The following APBB3 variants were observed in gnomAD, a reference collection of about 807,000 sequenced individuals.
APBB3 encodes the protein amyloid beta precursor protein binding family B member 3.
A neutral mutation model predicts 61.5 loss-of-function variants in APBB3; 50 were observed. That is an observed-to-expected ratio of 0.81 (90% CI 0.65 to 1.03). APBB3 has a LOEUF of 1.03. Ranked by LOEUF, APBB3 falls within the 50% of genes least tolerant of loss-of-function variation. The pLI, the probability that APBB3 is intolerant of heterozygous loss-of-function variation, is 0.00. For missense variants in APBB3, 550 were observed against 637.4 expected, an observed-to-expected ratio of 0.86 and a Z score of 1.48; for synonymous variants, 235 against 233.0, an observed-to-expected ratio of 1.01 and a Z score of -0.08.
In APBB3 at chr5:140,558,280, G is replaced by A. The variant is rs556803725; in HGVS notation, c.*305C>T. On this transcript the variant is annotated 3_prime_UTR_variant, in exon 13 of 13. Transcript: ENST00000357560. ...TACTCACATCCAGTGAGGTCACTGA[G>A]GGATTTTTATTTGCACTGATTTTGC... The A allele has an allele frequency of 4.0e-5, 17 of 428,286 alleles. No homozygotes were observed. The highest frequency in any genetic ancestry group is 3.1e-4 in the African/African-American group (15 of 48,646). 26.5% of individuals were successfully genotyped at this position (428,286 alleles called of 1,614,324 possible). A position where few individuals can be genotyped will look rare whatever the true frequency, so the allele number is the denominator to read the frequency against.
At chr5:140,562,306 T>A in intron 5 of APBB3, 47 bp downstream of exon 5, 2 of 1,611,384 alleles carry the variant, frequency 1.2e-6, no homozygotes, top group Non-Finnish European at 1.7e-6. Context: ...GACAGCTACC[T>A]CTGCTGGGCC....
At chr5:140,563,529 G>A (rs765853832) in intron 3 of APBB3, 65 bp downstream of exon 3, 6 of 1,585,682 alleles carry the variant, frequency 3.8e-6, no homozygotes, top group Non-Finnish European at 4.3e-6. Flanking sequence ...CAGACCATGG[G>A]TCCAGCTGCA....
At position 140,558,785 on chromosome 5, in the gene APBB3, G is replaced by A. The variant is rs34926962; in HGVS notation, c.1261C>T (p.Arg421Ter). ...GCCTGGGCACCCCAGGCCTTGCCTC[G>A]AGCTGCAGAGGCCACAAGACACTTC... ...YQKCLVASAA[R>*]GKAWGAQARA... Residue 421 changes from arginine (R) to a stop codon, truncating the protein, a stop_gained, in exon 13 of 13, where the codon CGA (arginine) becomes TGA (stop). Transcript: ENST00000357560. LOFTEE classifies it high-confidence loss of function. The A allele has an allele frequency of 1.6e-5, 25 of 1,610,744 alleles. No individual in the cohort carries two copies. Among genetic ancestry groups the A allele is most frequent in the African/African-American group, 4.0e-5 (3 of 74,742 alleles).
chr5:140,561,152 C>T (rs1185596805), intron 9 of APBB3, 51 bp from the exon 10 acceptor site: 4 of 1,601,328 alleles, frequency 2.5e-6, no homozygotes, highest in South Asian at 1.1e-5. Context: ...TTACCCTTTT[C>T]CCCACCCTTC....
rs761154125 is a variant in APBB3, at chr5:140,561,575, CCT to C, written c.747+10_747+11del. 5.6e-6 allele frequency: 9 copies of C among 1,614,160 alleles called. No homozygotes were observed. The highest frequency in any genetic ancestry group is 4.5e-5 in the East Asian group (2 of 44,886). On this transcript the variant is annotated intron_variant, in intron 8 of 12. Transcript: ENST00000357560. ...CCTTACCCACATTCCCTGCCCCACC[CCT>C]GACACTTACCTGGGCACAAAGCCCA...
At position 140,560,755 on chromosome 5, in the gene APBB3, C is replaced by G. The variant is rs201256812; in HGVS notation, c.917-1G>C. The G allele has an allele frequency of 1.3e-5, 21 of 1,613,596 alleles. No individual in the cohort carries two copies. The highest frequency in any genetic ancestry group is 1.8e-5 in the Non-Finnish European group (21 of 1,179,686). On this transcript the variant is annotated splice_acceptor_variant, in intron 10 of 12. Coordinates refer to ENST00000357560, the MANE Select transcript of APBB3 (RefSeq NM_133173.3). LOFTEE classifies it high-confidence loss of function. This position sits in a 1 kb window ranked among gnomAD's most constrained non-coding sequence, Gnocchi z 5.1. ...ATGGCCTCGTTCAGCACATCCATGC[C>G]TGGGGGAACATACCCAGCGTGTCTC...
chr5:140,561,702 C>T lies in APBB3; in HGVS notation c.633-1G>A. ...GTCACTTGCCACAAAAGCGAAGTCCCTAGCAGGGGCAGAGATGGGGCTGGG... is the reference window on the plus strand; with the variant it reads ...GTCACTTGCCACAAAAGCGAAGTCCTTAGCAGGGGCAGAGATGGGGCTGGG... On this transcript the variant is annotated splice_acceptor_variant, in intron 7 of 12. Transcript: ENST00000357560. LOFTEE classifies it high-confidence loss of function. 4 of 1,614,160 alleles carry T rather than the reference C, an allele frequency of 2.5e-6. No individual in the cohort carries two copies. The highest frequency in any genetic ancestry group is 3.4e-6 in the Non-Finnish European group (4 of 1,180,012).
At position 140,562,512 on chromosome 5, in the gene APBB3, G is replaced by T. The variant is rs766675104; in HGVS notation, c.352-13C>A. The T allele has an allele frequency of 2.0e-5, 33 of 1,613,620 alleles. No homozygotes were observed. Among genetic ancestry groups the T allele is most frequent in the Non-Finnish European group, 2.6e-5 (31 of 1,179,892 alleles). On this transcript the variant is annotated splice_polypyrimidine_tract_variant and intron_variant, in intron 4 of 12. Transcript: ENST00000357560. The stretch of plus-strand genomic sequence containing the variant: ...GGACTGCAAAGCACTGACAGGTTGG[G>T]GGAAGGGACAGGAATTAATAAGGAT...
In APBB3 at chr5:140,562,551, A is replaced by G. The variant is rs562840103; in HGVS notation, c.352-52T>C. 7.5e-6 allele frequency: 12 copies of G among 1,610,252 alleles called. No homozygotes were observed. The East Asian group carries it at 2.7e-4, about 36-fold the overall frequency. ...ATTAATAAGGATGGAGTAGGGTGGC[A>G]GGTGCCACAATACATACTCCCTGTC... On this transcript the variant is annotated intron_variant, in intron 4 of 12. Transcript: ENST00000357560.
intron 8 of APBB3, 36 bp from the exon 9 acceptor site, chr5:140,561,485 G>A: frequency 1.9e-6 from 3 of 1,613,998 alleles, no homozygotes; most frequent in African/African-American, 2.7e-5. Context: ...CCCACAGGGA[G>A]AGAGGGGAAT....
intron 12 of APBB3, 27 bp from the exon 13 acceptor site, chr5:140,558,848 C>T (rs373130164): frequency 1.1e-4 from 177 of 1,600,962 alleles, no homozygotes; most frequent in Non-Finnish European, 1.4e-4. Flanking sequence ...TGTGAGGATC[C>T]AGCTACTTTC....
chr5:140,560,791 A>G lies in APBB3; in HGVS notation c.917-37T>C. The G allele has an allele frequency of 6.3e-7, 1 of 1,588,350 alleles. No individual in the cohort carries two copies. Among genetic ancestry groups the G allele is most frequent in the Non-Finnish European group, 8.6e-7 (1 of 1,157,218 alleles). Reference sequence around the variant, plus strand: ...TACCCAGCGTGTCTCCCAGTGTAAAAGAAAGAGTCTGCAGGGAGTGTCTAG... The same window carrying G: ...TACCCAGCGTGTCTCCCAGTGTAAAGGAAAGAGTCTGCAGGGAGTGTCTAG... On this transcript the variant is annotated intron_variant, in intron 10 of 12. Transcript: ENST00000357560. This position sits in a 1 kb window ranked among gnomAD's most constrained non-coding sequence, Gnocchi z 5.1.
intron 7 of APBB3, 40 bp downstream of exon 7, chr5:140,561,804 A>G: frequency 6.2e-7 from 1 of 1,613,930 alleles, no homozygotes; most frequent in Non-Finnish European, 8.5e-7. Flanking sequence ...TGGAGTAGGG[A>G]CATCAGGGAT....
chr5:140,563,402 C>A, intron 3 of APBB3, 192 bp downstream of exon 3: 1 of 674,020 alleles, frequency 1.5e-6, no homozygotes, highest in South Asian at 1.7e-5. Context: ...TAGCTACAAA[C>A]AAGAGCTTAG....
At position 140,560,853 on chromosome 5, in the gene APBB3, T is replaced by C; in HGVS notation, c.917-99A>G. On this transcript the variant is annotated intron_variant, in intron 10 of 12. Coordinates refer to ENST00000357560, the MANE Select transcript of APBB3 (RefSeq NM_133173.3). This position sits in a 1 kb window ranked among gnomAD's most constrained non-coding sequence, Gnocchi z 5.1. The stretch of plus-strand genomic sequence containing the variant: ...TGATTTGGGATTCAGAGATAGGGAA[T>C]AGGATAGCTGGGGCAAGCCTTAGAA... 11 of 1,402,234 alleles carry C rather than the reference T, an allele frequency of 7.8e-6. No homozygotes were observed. Among genetic ancestry groups the C allele is most frequent in the South Asian group, 6.0e-5 (5 of 83,692 alleles). 86.9% of individuals were successfully genotyped at this position (1,402,234 alleles called of 1,614,324 possible).
Position 140,564,395 on chromosome 5 carries a change from G to A in APBB3, c.-150C>T. 14 of 927,994 alleles carry A rather than the reference G, an allele frequency of 1.5e-5. No homozygotes were observed. The highest frequency in any genetic ancestry group is 2.1e-5 in the Non-Finnish European group (13 of 615,250). The allele number at this position is 927,994 out of a possible 1,614,324, so 57.5% of individuals were successfully genotyped here. On this transcript the variant is annotated 5_prime_UTR_variant, in exon 1 of 13. Coordinates refer to ENST00000357560, the MANE Select transcript of APBB3 (RefSeq NM_133173.3). The surrounding 1 kb of genome is among the most constrained non-coding windows in gnomAD (Gnocchi z 5.0). ...ACAAATACGGGGCGGGACACGGGGC[G>A]GGACACGGGCCGGTCCCGGGGGAGG... is the stretch of plus-strand genomic sequence containing the variant.
At position 140,564,167 on chromosome 5, in the gene APBB3, G is replaced by A; in HGVS notation, c.49+30C>T. The A allele has an allele frequency of 1.2e-6, 2 of 1,613,840 alleles. No individual in the cohort carries two copies. Among genetic ancestry groups the A allele is most frequent in the Non-Finnish European group, 1.7e-6 (2 of 1,179,892 alleles). On this transcript the variant is annotated intron_variant, in intron 1 of 12. Coordinates refer to ENST00000357560, the MANE Select transcript of APBB3 (RefSeq NM_133173.3). The surrounding 1 kb of genome is among the most constrained non-coding windows in gnomAD (Gnocchi z 5.0). ...ATTCCCTCGTCCTCCCTCAGCTCCT[G>A]GTCTTCCCACCGGGCCCCTCCGTGC... is the stretch of plus-strand genomic sequence containing the variant.
intron 9 of APBB3, 100 bp from the exon 10 acceptor site, chr5:140,561,201 G>C: frequency 2.0e-6 from 3 of 1,491,194 alleles, no homozygotes; most frequent in Non-Finnish European, 2.8e-6. Context: ...GGTGCTGGTA[G>C]AAGAAATGGC....
In APBB3 at chr5:140,564,130, G is replaced by A. The variant is rs1755098540; in HGVS notation, c.49+67C>T. 2.3e-5 allele frequency: 37 copies of A among 1,606,130 alleles called. No individual in the cohort carries two copies. The Admixed American group carries it at 5.2e-4, about 23-fold the overall frequency. On this transcript the variant is annotated intron_variant, in intron 1 of 12. Transcript: ENST00000357560. The surrounding 1 kb of genome is among the most constrained non-coding windows in gnomAD (Gnocchi z 5.0). ...TCCCCCACCGTCTTTGAGCCCCAGA[G>A]TAGCCTTTCGGATTCCCTCGTCCTC...
Sources: gnomAD v4.1 joint callset for allele counts on GRCh38, gnomAD v4.1.1 for gene constraint, Gnocchi (gnomAD v3.1) non-coding constraint, MANE v1.5 for transcripts, NCBI Gene and HGNC (gene_info 2026-07-23, HGNC 2026-07-21) for gene names.